Variants in SH3GL2 observed in about 807,000 individuals in gnomAD.
The protein encoded by SH3GL2 is endophilin-A1.
SH3GL2 carries 24 observed loss-of-function variants against 46.0 expected under a neutral mutation model. The observed-to-expected ratio is 0.52, with a 90% CI of 0.38 to 0.73. SH3GL2 has a LOEUF of 0.73. SH3GL2 is among the 30% of genes least tolerant of loss of function. The pLI is 0.00. For missense variants in SH3GL2, 413 were observed against 424.2 expected (o/e 0.97, Z 0.23); for synonymous variants, 196 against 147.1 (o/e 1.33, Z -2.40).
intron 1 of SH3GL2, among the ~76,000 whole-genome samples, chr9:17,714,289 G>C (rs919845962): frequency 7.9e-5 from 12 of 151,352 alleles, no homozygotes; most frequent in African/African-American, 2.9e-4. Flanking sequence ...AATATCGTTG[G>C]GTCTTCATCT....
At chr9:17,770,939 T>A (rs1823461906) in intron 3 of SH3GL2, among the ~76,000 whole-genome samples, 1 of 152,236 alleles carries the variant, frequency 6.6e-6, no homozygotes, top group South Asian at 2.1e-4. Context: ...AGTCTGACTC[T>A]ACATTGTTTG....
chr9:17,654,166 G>A (rs2134671644), intron 1 of SH3GL2, among the ~76,000 whole-genome samples: 1 of 152,308 alleles, frequency 6.6e-6, no homozygotes, highest in South Asian at 2.1e-4. Flanking sequence ...AAGAAAACCA[G>A]ATTGGAAAAA....
intron 1 of SH3GL2, among the ~76,000 whole-genome samples, chr9:17,623,011 CT>C (rs1563786495): frequency 1.1e-5 from 1 of 89,314 alleles, no homozygotes; most frequent in African/African-American, 4.6e-5. Flanking sequence ...CTTTCCTTTC[CT>C]TTCCTTTCCT....
chr9:17,608,919 A>T (rs1258452033), intron 1 of SH3GL2, among the ~76,000 whole-genome samples: 1 of 152,244 alleles, frequency 6.6e-6, no homozygotes, highest in Non-Finnish European at 1.5e-5. Context: ...TAATTAAAAA[A>T]TGTTTGAGTA....
intron 1 of SH3GL2, among the ~76,000 whole-genome samples, chr9:17,677,039 T>G (rs113055004): frequency 7.6e-4 from 116 of 152,280 alleles, no homozygotes; most frequent in Non-Finnish European, 1.6e-3. Context: ...CCTGCCCTCA[T>G]GGGACCATTT....
chr9:17,597,953 G>A (rs1206830381), intron 1 of SH3GL2, among the ~76,000 whole-genome samples: 1 of 152,160 alleles, frequency 6.6e-6, no homozygotes, highest in Non-Finnish European at 1.5e-5. Context: ...TAGAGAGATG[G>A]ATAAAATACT....
intron 1 of SH3GL2, among the ~76,000 whole-genome samples, chr9:17,746,136 G>C (rs537644056): frequency 6.6e-6 from 1 of 152,236 alleles, no homozygotes; most frequent in South Asian, 2.1e-4. Flanking sequence ...GTGCAGTGGT[G>C]GGATCTCCGC....
intron 1 of SH3GL2, among the ~76,000 whole-genome samples, chr9:17,738,886 T>G (rs1588289518): frequency 6.6e-6 from 1 of 152,110 alleles, no homozygotes; most frequent in Admixed American, 6.6e-5. Context: ...ATAATCTTCT[T>G]TACTTGAAGT....
Position 17,727,010 on chromosome 9 carries a change from G to A in SH3GL2, c.46-20056G>A, listed in dbSNP as rs563524342. ...GAGCAGCAGGAGACATTAATAGAGAGATGCTTGTTGCTGCACTTTTTGTAA... is the reference window on the plus strand; with the variant it reads ...GAGCAGCAGGAGACATTAATAGAGAAATGCTTGTTGCTGCACTTTTTGTAA... On this transcript the variant is annotated intron_variant, in intron 1 of 8. Coordinates refer to ENST00000380607, the MANE Select transcript of SH3GL2 (RefSeq NM_003026.5). Among the ~76,000 whole-genome samples, 5 of 152,232 alleles carry A rather than the reference G, an allele frequency of 3.3e-5. 1 individual carries two copies. The South Asian group carries it at 8.3e-4, about 25-fold the overall frequency.
Position 17,639,401 on chromosome 9 carries a change from C to T in SH3GL2, c.45+60114C>T, listed in dbSNP as rs1819619333. ...AATATAGACAAATGGTTTGTATAGA[C>T]CTGTCTTAAAAGAAGATGCATAAAT... On this transcript the variant is annotated intron_variant, in intron 1 of 8. Transcript: ENST00000380607. 3.9e-5 allele frequency among the ~76,000 whole-genome samples: 6 copies of T among 152,168 alleles called. No individual in the cohort carries two copies. The South Asian group carries it at 1.0e-3, about 26-fold the overall frequency.
At chr9:17,724,671 A>G (rs1470482033) in intron 1 of SH3GL2, among the ~76,000 whole-genome samples, 2 of 152,162 alleles carry the variant, frequency 1.3e-5, no homozygotes, top group African/African-American at 2.4e-5. Flanking sequence ...AACTCTGGAT[A>G]TTGATCCTCT....
At chr9:17,765,677 A>C (rs1823298960) in intron 3 of SH3GL2, among the ~76,000 whole-genome samples, 1 of 152,138 alleles carries the variant, frequency 6.6e-6, no homozygotes, top group African/African-American at 2.4e-5. Context: ...GGTCCAGCGT[A>C]AAGGTCACTT....
chr9:17,614,545 G>A (rs1053346471), intron 1 of SH3GL2, among the ~76,000 whole-genome samples: 11 of 152,142 alleles, frequency 7.2e-5, no homozygotes, highest in African/African-American at 2.7e-4. Context: ...GCAAACTCAG[G>A]GGGAAAAGGG....
chr9:17,730,744 C>T (rs1375378901), intron 1 of SH3GL2, among the ~76,000 whole-genome samples: 1 of 152,040 alleles, frequency 6.6e-6, no homozygotes, highest in African/African-American at 2.4e-5. Flanking sequence ...ACAGGTCAAA[C>T]ATGATCTAAG....
chr9:17,711,976 G>C (rs1352831034), intron 1 of SH3GL2, among the ~76,000 whole-genome samples: 2 of 151,756 alleles, frequency 1.3e-5, no homozygotes, highest in East Asian at 3.9e-4. Context: ...CTAATACTTG[G>C]CATGGCAGAC....
At chr9:17,670,758 G>T (rs1820454795) in intron 1 of SH3GL2, among the ~76,000 whole-genome samples, 1 of 152,116 alleles carries the variant, frequency 6.6e-6, no homozygotes, top group African/African-American at 2.4e-5. Context: ...CTAAAATTAT[G>T]AAAGTTTTTT....
At chr9:17,751,470 T>TTGTGTGTGTGTG (rs1554646584) in intron 2 of SH3GL2, among the ~76,000 whole-genome samples, 1 of 132,926 alleles carries the variant, frequency 7.5e-6, no homozygotes, top group African/African-American at 3.0e-5. Flanking sequence ...GTGTGTGTTT[T>TTGTGTGTGTGTG]TGTGTGTGCG....
intron 1 of SH3GL2, among the ~76,000 whole-genome samples, chr9:17,739,940 T>C (rs1291078555): frequency 2.0e-5 from 3 of 152,106 alleles, no homozygotes; most frequent in Non-Finnish European, 4.4e-5. Flanking sequence ...CCATAAAGTG[T>C]TTGGCAAGGA....
At chr9:17,719,961 T>TTA (rs1821852500) in intron 1 of SH3GL2, among the ~76,000 whole-genome samples, 2 of 144,660 alleles carry the variant, frequency 1.4e-5, no homozygotes, top group African/African-American at 5.8e-5. Context: ...TTTATTTCTG[T>TTA]TTACTAATTA....
Sources: allele counts gnomAD v4.1 joint callset (sites outside exome capture counted in the v4.1 genomes callset), GRCh38; gene constraint gnomAD v4.1.1; transcripts MANE v1.5; gene names NCBI Gene and HGNC (gene_info 2026-07-23, HGNC 2026-07-21).